The following ARHGEF18 variants were observed in gnomAD, a reference collection of about 807,000 sequenced individuals.
ARHGEF18 encodes Rho/Rac guanine nucleotide exchange factor 18, also known as rho guanine nucleotide exchange factor 18.
ARHGEF18 carries 93 observed loss-of-function variants against 155.7 expected under a neutral mutation model. The observed-to-expected ratio is 0.60, with a 90% confidence interval of 0.50 to 0.71. The LOEUF (loss-of-function observed/expected upper bound fraction) is 0.71, where lower values mean the gene tolerates loss of function less well. Among genes scored for constraint, ARHGEF18 ranks in the 30% least tolerant of loss-of-function variants. The pLI, the probability that ARHGEF18 is intolerant of heterozygous loss-of-function variation, is 0.00. For missense variants in ARHGEF18, 1,593 were observed against 1,816.1 expected (o/e 0.88, Z 2.23); for synonymous variants, 742 against 753.1 (o/e 0.99, Z 0.24).
Position 7,462,173 on chromosome 19 carries a change from A to G in ARHGEF18, c.2474A>G (p.Gln825Arg). Residue 825 changes from glutamine to arginine, a missense_variant, in exon 21 of 29, where the codon CAG becomes CGG. Coordinates refer to ENST00000668164, the MANE Select transcript of ARHGEF18 (RefSeq NM_001367823.1). The surrounding 1 kb of genome is among the most constrained non-coding windows in gnomAD (Gnocchi z 4.4). ...GCAGAGCGGTTGAGCATGAAAGACC[A>G]GCTGATCGCACAGAGCCTCCTAGAG... ...DFQERLSMKD[Q>R]LIAQSLLEKQ... 6.2e-7 allele frequency: 1 copy of G among 1,613,932 alleles called. No homozygotes were observed. The highest frequency in any genetic ancestry group is 1.3e-5 in the African/African-American group (1 of 75,050).
At position 7,472,151 on chromosome 19, in the gene ARHGEF18, C is replaced by G. The variant is rs548373719; in HGVS notation, c.*1853C>G. On this transcript the variant is annotated 3_prime_UTR_variant, in exon 29 of 29. Transcript: ENST00000668164. ...GGGAGAAGTTCAAGGAATTTCTGCT[C>G]GGCCACGCGGTGGGAACCCCGCGTC... The G allele has an allele frequency of 2.6e-5, 4 of 152,314 alleles. No individual in the cohort carries two copies. Among genetic ancestry groups the G allele is most frequent in the Non-Finnish European group, 5.9e-5 (4 of 68,044 alleles). The allele number at this position is 152,314 out of a possible 1,614,324, so 9.4% of individuals were successfully genotyped here.
chr19:7,424,974 CAG>C (rs777325316), intron 10 of ARHGEF18, among the ~76,000 whole-genome samples: 7 of 147,846 alleles, frequency 4.7e-5, no homozygotes, highest in Non-Finnish European at 7.4e-5. Flanking sequence ...AGCCTGGTGA[CAG>C]AGTGAGACTA....
At chr19:7,358,401 C>T (rs188678961) in intron 1 of ARHGEF18, among the ~76,000 whole-genome samples, 120 of 152,146 alleles carry the variant, frequency 7.9e-4, no homozygotes, top group African/African-American at 2.7e-3. Context: ...TTCATCCATT[C>T]ACCTATCCAT....
At chr19:7,477,455 C>T (rs1190169479), downstream of ARHGEF18, 2 of 1,410,336 alleles carry the variant, frequency 1.4e-6, no homozygotes, top group African/African-American at 3.0e-5. Flanking sequence ...CAGAGAGGGG[C>T]CGCTTACACT....
intron 2 of ARHGEF18, among the ~76,000 whole-genome samples, chr19:7,366,416 A>G (rs1425928721): frequency 1.3e-5 from 2 of 152,210 alleles, no homozygotes; most frequent in Non-Finnish European, 2.9e-5. Flanking sequence ...TGAGCTCTCC[A>G]GCCTGCAGAC....
chr19:7,412,077 G>A (rs574191550), intron 10 of ARHGEF18, among the ~76,000 whole-genome samples: 1 of 149,050 alleles, frequency 6.7e-6, no homozygotes, highest in African/African-American at 2.5e-5. Flanking sequence ...GCTCTGTCAC[G>A]CAGGCTGCAG....
At chr19:7,363,063 T>A (rs1478586730) in intron 2 of ARHGEF18, among the ~76,000 whole-genome samples, 158 bp downstream of exon 2, 2 of 152,032 alleles carry the variant, frequency 1.3e-5, no homozygotes, top group African/African-American at 2.4e-5. Flanking sequence ...GTTTTACCTA[T>A]GAGGAAACCA....
chr19:7,353,186 A>C (rs1969199058), intron 1 of ARHGEF18, among the ~76,000 whole-genome samples: 1 of 151,130 alleles, frequency 6.6e-6, no homozygotes, highest in African/African-American at 2.4e-5. Flanking sequence ...TCTGACTGCC[A>C]ATGCCTTCCA....
At chr19:7,439,287 C>CCG (rs1555720526) in intron 10 of ARHGEF18, among the ~76,000 whole-genome samples, 2 of 150,982 alleles carry the variant, frequency 1.3e-5, no homozygotes, top group African/African-American at 2.4e-5. Context: ...GAGACCCCCC[C>CCG]CCAACCTCTA....
At chr19:7,390,717 A>G (rs1226047768) in intron 10 of ARHGEF18, 1 of 152,038 alleles carries the variant, frequency 6.6e-6, no homozygotes, top group Non-Finnish European at 1.5e-5. Context: ...TTGCCTCTGC[A>G]AAGCTGCAAA....
chr19:7,458,115 C>T (rs1049544107), intron 18 of ARHGEF18, among the ~76,000 whole-genome samples: 1 of 151,506 alleles, frequency 6.6e-6, no homozygotes, highest in African/African-American at 2.4e-5. Flanking sequence ...AGTGAGATCC[C>T]ATCTCTACAA....
Position 7,462,294 on chromosome 19 carries a change from C to A in ARHGEF18, c.2595C>A (p.Thr865=). 6.2e-7 allele frequency: 1 copy of A among 1,610,212 alleles called. No homozygotes were observed. Residue 865 remains threonine, a synonymous_variant, in exon 21 of 29, where the codon ACC becomes ACA. Coordinates refer to ENST00000668164, the MANE Select transcript of ARHGEF18 (RefSeq NM_001367823.1). This position sits in a 1 kb window ranked among gnomAD's most constrained non-coding sequence, Gnocchi z 4.4. ...TCCGTGGAGGGGACCCATCCGAGACCCTGCAGGGGGAGCTAATTCTCAAGT... is the reference window on the plus strand; with the variant it reads ...TCCGTGGAGGGGACCCATCCGAGACACTGCAGGGGGAGCTAATTCTCAAGT... ...GLFRGGDPSE[T]LQGELILKSA...
At position 7,389,187 on chromosome 19, in the gene ARHGEF18, G is replaced by A. The variant is rs895819689; in HGVS notation, c.967+5984G>A. Among the ~76,000 whole-genome samples, 24 of 147,038 alleles carry A rather than the reference G, an allele frequency of 1.6e-4. 1 individual carries two copies. Among genetic ancestry groups the A allele is most frequent in the African/African-American group, 5.5e-4 (22 of 39,952 alleles). On this transcript the variant is annotated intron_variant, in intron 10 of 28. Transcript: ENST00000668164. The stretch of plus-strand genomic sequence containing the variant: ...TTTTTTTGAGACAGAGTCTCGCTCT[G>A]TTGCCCAGGCTGGGGTGCAGTGGCG...
chr19:7,475,324 G>A (rs189941981), downstream of ARHGEF18, among the ~76,000 whole-genome samples: 1 of 152,242 alleles, frequency 6.6e-6, no homozygotes, highest in East Asian at 1.9e-4. Flanking sequence ...GGCAACCCAG[G>A]GACAGAGTAG....
At chr19:7,367,639 G>A (rs1008065543) in intron 2 of ARHGEF18, among the ~76,000 whole-genome samples, 8 of 149,724 alleles carry the variant, frequency 5.3e-5, no homozygotes, top group Admixed American at 4.1e-4. Context: ...CCAGCTACTC[G>A]GGAGACTGAG....
intron 10 of ARHGEF18, among the ~76,000 whole-genome samples, chr19:7,387,388 G>A (rs1197632758): frequency 1.3e-5 from 2 of 151,982 alleles, no homozygotes; most frequent in East Asian, 1.9e-4. Context: ...TCCTGACCTC[G>A]TGATCTGCCC....
chr19:7,362,032 AAGGAGAAGG>A, intron 1 of ARHGEF18, among the ~76,000 whole-genome samples: 1 of 53,996 alleles, frequency 1.9e-5, no homozygotes, highest in Non-Finnish European at 3.4e-5. Flanking sequence ...GGAGAAGGAG[AAGGAGAAGG>A]AGAAGGAGAA....
chr19:7,439,928 A>G lies in ARHGEF18; in HGVS notation c.968-416A>G, dbSNP rs1232308573. 1.1e-5 allele frequency: 16 copies of G among 1,482,474 alleles called. No individual in the cohort carries two copies. In the South Asian group the frequency reaches 1.3e-4, roughly 12 times the overall value. 91.8% of individuals were successfully genotyped at this position (1,482,474 alleles called of 1,614,324 possible). ...TTCTATCAAAGCAGCAAATACTGCAATTTCCACAGTAAATGGTCACAGTGG... is the reference window on the plus strand; with the variant it reads ...TTCTATCAAAGCAGCAAATACTGCAGTTTCCACAGTAAATGGTCACAGTGG... On this transcript the variant is annotated intron_variant, in intron 10 of 28. Transcript: ENST00000668164.
chr19:7,385,477 A>C (rs1432759934), intron 10 of ARHGEF18, among the ~76,000 whole-genome samples: 1 of 146,018 alleles, frequency 6.8e-6, no homozygotes, highest in Non-Finnish European at 1.5e-5. Context: ...TATTATTATT[A>C]TTATTATTAT....
Sources: allele counts gnomAD v4.1 joint callset (sites outside exome capture counted in the v4.1 genomes callset), GRCh38; gene constraint gnomAD v4.1.1; non-coding constraint Gnocchi (gnomAD v3.1); transcripts MANE v1.5; gene names NCBI Gene and HGNC (gene_info 2026-07-23, HGNC 2026-07-21).